Variants in N4BP1 observed in about 807,000 individuals in gnomAD.
N4BP1 encodes the protein NEDD4-binding protein 1.
A neutral mutation model predicts 70.9 loss-of-function variants in N4BP1; 21 were observed. The ratio of observed to expected loss-of-function variants is 0.30; its 90% CI spans 0.21 to 0.43. The LOEUF is 0.43. Among genes scored for constraint, N4BP1 ranks in the 20% least tolerant of loss-of-function variants. The pLI, the probability that N4BP1 is intolerant of heterozygous loss-of-function variation, is 1.00. For missense variants in N4BP1, 936 were observed against 1,069.4 expected, an observed-to-expected ratio of 0.88 and a Z score of 1.74; for synonymous variants, 387 against 394.6, an observed-to-expected ratio of 0.98 and a Z score of 0.23.
chr16:48,571,700 T>C (rs1964023214), intron 1 of N4BP1, among the ~76,000 whole-genome samples: 1 of 151,904 alleles, frequency 6.6e-6, no homozygotes, highest in African/African-American at 2.4e-5. Flanking sequence ...ATTAAGAATA[T>C]GATGGCAAAA....
At chr16:48,573,140 G>A (rs1393411366) in intron 1 of N4BP1, among the ~76,000 whole-genome samples, 1 of 150,976 alleles carries the variant, frequency 6.6e-6, no homozygotes, top group African/African-American at 2.4e-5. Context: ...AGAAAATTCA[G>A]GAAAAAATTA....
chr16:48,565,631 A>G (rs1963931280), intron 1 of N4BP1, among the ~76,000 whole-genome samples: 1 of 152,222 alleles, frequency 6.6e-6, no homozygotes, highest in Admixed American at 6.5e-5. Flanking sequence ...CATCAGAGTA[A>G]TACAGGCTAT....
At chr16:48,604,602 T>TTAA (rs796369615) in intron 1 of N4BP1, among the ~76,000 whole-genome samples, 3 of 138,554 alleles carry the variant, frequency 2.2e-5, no homozygotes, top group Admixed American at 7.1e-5. Flanking sequence ...CAAAAAAAGG[T>TTAA]AAAAAAAAAA....
chr16:48,597,799 T>C (rs1420918412), intron 1 of N4BP1, among the ~76,000 whole-genome samples: 3 of 152,194 alleles, frequency 2.0e-5, no homozygotes, highest in East Asian at 3.8e-4. Flanking sequence ...CTTTCTCTAC[T>C]GCAACCCAGT....
At chr16:48,557,176 G>A (rs1963766752) in intron 2 of N4BP1, among the ~76,000 whole-genome samples, 1 of 152,174 alleles carries the variant, frequency 6.6e-6, no homozygotes, top group African/African-American at 2.4e-5. Context: ...CGAAGGGTGG[G>A]CCTAGGCTGC....
At chr16:48,589,519 C>T (rs754070684) in intron 1 of N4BP1, among the ~76,000 whole-genome samples, 25 of 152,156 alleles carry the variant, frequency 1.6e-4, no homozygotes. Flanking sequence ...TAAGCCCTTT[C>T]CCTCATACCT....
intron 2 of N4BP1, 128 bp downstream of exon 2, chr16:48,560,623 TCCA>T (rs1963840038): frequency 8.0e-7 from 1 of 1,246,054 alleles, no homozygotes; most frequent in African/African-American, 1.5e-5. Context: ...CCCATTCCCC[TCCA>T]CCATCCGACC....
intron 1 of N4BP1, among the ~76,000 whole-genome samples, chr16:48,588,999 T>A (rs1323943609): frequency 6.6e-6 from 1 of 152,182 alleles, no homozygotes; most frequent in East Asian, 1.9e-4. Flanking sequence ...GAGAATGTAT[T>A]TTTTTGCTTG....
chr16:48,567,082 C>T (rs1963953624), intron 1 of N4BP1, among the ~76,000 whole-genome samples: 1 of 152,158 alleles, frequency 6.6e-6, no homozygotes, highest in Admixed American at 6.5e-5. Context: ...TTACATTTTA[C>T]TTACCTGTAA....
intron 1 of N4BP1, among the ~76,000 whole-genome samples, chr16:48,602,293 TA>T (rs1324409091): frequency 4.6e-5 from 7 of 152,348 alleles, no homozygotes; most frequent in African/African-American, 1.4e-4. Flanking sequence ...AAAAGTTTTT[TA>T]ATTAATTACT....
At chr16:48,601,659 T>C (rs1245105595) in intron 1 of N4BP1, among the ~76,000 whole-genome samples, 1 of 152,032 alleles carries the variant, frequency 6.6e-6, no homozygotes, top group Non-Finnish European at 1.5e-5. Flanking sequence ...GCACTAAGAC[T>C]GAACAAAACC....
chr16:48,561,369 G>A lies in N4BP1; in HGVS notation c.1274C>T (p.Ser425Phe). 1 of 1,613,882 alleles carries A rather than the reference G, an allele frequency of 6.2e-7. No individual in the cohort carries two copies. The highest frequency in any genetic ancestry group is 1.1e-5 in the South Asian group (1 of 91,070). ...YSSTNELTTDSTPKKTQAHTQ... is the reference protein window; with the variant it reads ...YSSTNELTTDFTPKKTQAHTQ... ...GTGAGCCTGTGTTTTCTTTGGAGTG[G>A]AATCAGTTGTAAGCTCATTTGTGCT... The change falls in exon 2 of 7, where the codon TCC becomes TTC. Residue 425 changes from serine to phenylalanine, a missense_variant. Physicochemically the swap from Ser to Phe is radical, Grantham distance 155. Transcript: ENST00000262384.
At chr16:48,603,303 TC>T (rs1964530808) in intron 1 of N4BP1, among the ~76,000 whole-genome samples, 2 of 151,730 alleles carry the variant, frequency 1.3e-5, no homozygotes, top group African/African-American at 2.4e-5. Flanking sequence ...GAGTAGTCCT[TC>T]CCAGGACTCT....
At chr16:48,558,973 AATTC>A (rs1296951267) in intron 2 of N4BP1, among the ~76,000 whole-genome samples, 8 of 152,246 alleles carry the variant, frequency 5.3e-5, no homozygotes, top group African/African-American at 1.4e-4. Flanking sequence ...CAGCTTCGAT[AATTC>A]ATTCAAATAA....
At chr16:48,581,357 T>C (rs1383124737) in intron 1 of N4BP1, among the ~76,000 whole-genome samples, 1 of 152,086 alleles carries the variant, frequency 6.6e-6, no homozygotes, top group Non-Finnish European at 1.5e-5. Context: ...CTGTAAGATC[T>C]GGAACAAGAC....
rs1173099858 is a variant in N4BP1, at chr16:48,601,048, GAACT to G, written c.198+8723_198+8726del. Among the ~76,000 whole-genome samples the G allele has an allele frequency of 6.6e-5, 10 of 152,270 alleles. No homozygotes were observed. The East Asian group carries it at 1.3e-3, about 21-fold the overall frequency. ...GTTATGGAAAGGGGGATACAACAAGGAACTAACAATTTGTATGACAATGTCAAAT... is the reference window on the plus strand; with the variant it reads ...GTTATGGAAAGGGGGATACAACAAGGAACAATTTGTATGACAATGTCAAAT... On this transcript the variant is annotated intron_variant, in intron 1 of 6. Transcript: ENST00000262384.
Position 48,560,843 on chromosome 16 carries a change from T to G in N4BP1, c.1800A>C (p.Leu600=). ...TTAATTCCAGCTTGTAGGGTATTTT[T>G]AGAGTATCTCGAAACCTTTGAACCC... is the stretch of plus-strand genomic sequence containing the variant. The part of the protein sequence containing the change: ...VTGVQRFRDT[L]KIPYKLELKN... Residue 600 remains leucine, a synonymous_variant, in exon 2 of 7, where the codon CTA becomes CTC. Transcript: ENST00000262384. 6.2e-7 allele frequency: 1 copy of G among 1,613,994 alleles called. No homozygotes were observed. Among genetic ancestry groups the G allele is most frequent in the Non-Finnish European group, 8.5e-7 (1 of 1,179,866 alleles).
intron 1 of N4BP1, among the ~76,000 whole-genome samples, chr16:48,582,824 T>TG (rs1317824842): frequency 2.6e-5 from 4 of 152,202 alleles, no homozygotes; most frequent in Non-Finnish European, 4.4e-5. Context: ...CTGAGGGCAG[T>TG]GGCTCATGCC....
chr16:48,561,252 C>A lies in N4BP1; in HGVS notation c.1391G>T (p.Arg464Ile), dbSNP rs1425803921. The A allele has an allele frequency of 5.6e-6, 9 of 1,613,960 alleles. No homozygotes were observed. The highest frequency in any genetic ancestry group is 7.6e-6 in the Non-Finnish European group (9 of 1,179,890). ...ATGTTTCTGTTCTATTGGCACTGTT[C>A]TGAAAGTATTAATTCTACAATTTGA... is the stretch of plus-strand genomic sequence containing the variant. ...CTSNCRINTF[R>I]TVPIEQKHEV... Residue 464 changes from arginine (R) to isoleucine (I), a missense_variant, in exon 2 of 7, where the codon AGA becomes ATA. Around this residue, in one of 4 missense-constraint regions of N4BP1, gnomAD observed 515 missense variants for 491.7 expected, o/e 1.05. Coordinates refer to ENST00000262384, the MANE Select transcript of N4BP1 (RefSeq NM_153029.4).
Sources: allele counts gnomAD v4.1 joint callset (sites outside exome capture counted in the v4.1 genomes callset), GRCh38; gene constraint gnomAD v4.1.1; regional missense constraint gnomAD v4.1.1; transcripts MANE v1.5; gene names NCBI Gene and HGNC (gene_info 2026-07-23, HGNC 2026-07-21).